Variants in ELP4 observed in about 807,000 individuals in gnomAD.
ELP4 encodes elongator acetyltransferase complex subunit 4, also known as elongator complex protein 4.
In ELP4, 51 loss-of-function variants were observed where a neutral mutation model predicts 48.9. That is an observed-to-expected ratio of 1.04 (90% confidence interval 0.83 to 1.32). The LOEUF (loss-of-function observed/expected upper bound fraction) is 1.32. ELP4 is among the 40% of genes most tolerant of loss of function. ELP4 has a pLI of 0.00. For synonymous variants in ELP4, 210 were observed against 189.2 expected, an observed-to-expected ratio of 1.11 and a Z score of -0.90; for missense variants, 519 against 514.6, an observed-to-expected ratio of 1.01 and a Z score of -0.08.
In ELP4 at chr11:31,647,787, T is replaced by C; in HGVS notation, c.974T>C (p.Val325Ala). ...GTCACAACCTTGTCAGATGTAGTAG[T>C]TGGTCTGGAATCATTTATTGGTTCT... ...ARVTTLSDVV[V>A]GLESFIGSER... is the part of the protein sequence containing the mutation. Residue 325 changes from valine (V) to alanine (A), a missense_variant, in exon 8 of 10, where the codon GTT (valine) becomes GCT (alanine). By Grantham distance (64) the Val-to-Ala change is moderately conservative. Transcript: ENST00000640961. The C allele has an allele frequency of 6.2e-7, 1 of 1,609,926 alleles. No homozygotes were observed. The highest frequency in any genetic ancestry group is 8.5e-7 in the Non-Finnish European group (1 of 1,177,100).
At chr11:31,715,919 A>G (rs1946833363) in intron 9 of ELP4, among the ~76,000 whole-genome samples, 1 of 152,208 alleles carries the variant, frequency 6.6e-6, no homozygotes, top group African/African-American at 2.4e-5. Flanking sequence ...ATGATTACAC[A>G]GTTAAGGGAT....
intron 5 of ELP4, among the ~76,000 whole-genome samples, chr11:31,625,459 A>C (rs970072129): frequency 2.0e-5 from 3 of 151,868 alleles, no homozygotes; most frequent in African/African-American, 7.2e-5. Context: ...ACACACACAC[A>C]ATGAACTTTT....
chr11:31,738,090 CA>C lies in ELP4; in HGVS notation c.1144-45302del, dbSNP rs1947359257. ...TATATATGTATAATGAAATATTATC[CA>C]GCCTTAATAAAGAAGGAAATCCAGC... On this transcript the variant is annotated intron_variant, in intron 9 of 9. Coordinates refer to ENST00000640961, the MANE Select transcript of ELP4 (RefSeq NM_019040.5). Among the ~76,000 whole-genome samples the C allele has an allele frequency of 5.3e-5, 8 of 151,914 alleles. No homozygotes were observed. In the South Asian group the frequency reaches 1.7e-3, roughly 32 times the overall value.
chr11:31,775,594 G>A (rs947915621), intron 9 of ELP4, among the ~76,000 whole-genome samples: 4 of 152,140 alleles, frequency 2.6e-5, no homozygotes, highest in African/African-American at 9.7e-5. Flanking sequence ...CAGCACTTTC[G>A]GAGGCCAAGG....
In ELP4 at chr11:31,784,514, G is replaced by A. The variant is rs1948457754; in HGVS notation, c.*990G>A. On this transcript the variant is annotated 3_prime_UTR_variant, in exon 10 of 10. Transcript: ENST00000640961. ...GACAGATAATGGATAAAAAATGAAA[G>A]TTGAAAAGTAACTTGCATATTTAAG... The A allele has an allele frequency of 6.6e-6, 1 of 152,004 alleles. No individual in the cohort carries two copies. The highest frequency in any genetic ancestry group is 6.5e-5 in the Admixed American group (1 of 15,274). The allele number at this position is 152,004 out of a possible 1,614,324, so 9.4% of individuals were successfully genotyped here. A position where few individuals can be genotyped will look rare whatever the true frequency, so the allele number is the denominator to read the frequency against.
At chr11:31,758,476 T>G (rs950071120) in intron 9 of ELP4, among the ~76,000 whole-genome samples, 8 of 152,204 alleles carry the variant, frequency 5.3e-5, no homozygotes, top group African/African-American at 7.2e-5. Flanking sequence ...TGCCCTGTGT[T>G]TCAACTGGAC....
intron 9 of ELP4, among the ~76,000 whole-genome samples, chr11:31,703,241 G>C (rs1469194478): frequency 9.2e-5 from 14 of 152,122 alleles, no homozygotes; most frequent in African/African-American, 3.4e-4. Flanking sequence ...TAAGCAAGGG[G>C]AACAGTGAAA....
At chr11:31,650,242 T>C in intron 9 of ELP4, 21 bp downstream of exon 9, 1 of 787,404 alleles carries the variant, frequency 1.3e-6, no homozygotes, top group East Asian at 2.6e-5. Context: ...TTTTATGTTT[T>C]AGTTTACAAT....
chr11:31,785,273 A>ACT lies in ELP4; in HGVS notation c.*1752_*1753dup. On this transcript the variant is annotated 3_prime_UTR_variant, in exon 10 of 10. Transcript: ENST00000640961. Reference sequence around the variant, plus strand: ...TTTTAGTCAGTTTATTATTTTAATAACTCTAACCTTTTTCTTACCGTGTTG... The same window carrying ACT: ...TTTTAGTCAGTTTATTATTTTAATAACTCTCTAACCTTTTTCTTACCGTGTTG... The ACT allele has an allele frequency of 5.5e-6, 1 of 183,070 alleles. No individual in the cohort carries two copies. The highest frequency in any genetic ancestry group is 1.2e-5 in the Non-Finnish European group (1 of 85,982). The allele number at this position is 183,070 out of a possible 1,614,324, so 11.3% of individuals were successfully genotyped here.
At chr11:31,676,937 T>G (rs959512011) in intron 9 of ELP4, among the ~76,000 whole-genome samples, 47 of 152,306 alleles carry the variant, frequency 3.1e-4, no homozygotes, top group Non-Finnish European at 4.6e-4. Context: ...ACCATGTACC[T>G]CCTCACACAT....
At chr11:31,707,179 C>T (rs552182622) in intron 9 of ELP4, 7 of 391,032 alleles carry the variant, frequency 1.8e-5, no homozygotes, top group African/African-American at 6.2e-5. Flanking sequence ...AGTTGCTGCA[C>T]GAGTTTATAT....
intron 1 of ELP4, chr11:31,512,653 T>G (rs979842907): frequency 3.9e-5 from 6 of 152,198 alleles, no homozygotes; most frequent in African/African-American, 1.2e-4. Flanking sequence ...GGACACTGTA[T>G]GTAAATAACA....
chr11:31,565,181 A>G (rs1331538365), intron 3 of ELP4, among the ~76,000 whole-genome samples: 1 of 152,154 alleles, frequency 6.6e-6, no homozygotes, highest in Non-Finnish European at 1.5e-5. Flanking sequence ...TCTTCTTTTG[A>G]GAAGTGTCTG....
At chr11:31,518,692 C>T (rs1344018768) in intron 1 of ELP4, among the ~76,000 whole-genome samples, 2 of 151,286 alleles carry the variant, frequency 1.3e-5, no homozygotes, top group African/African-American at 4.9e-5. Flanking sequence ...GTCAGGAGTT[C>T]GAGACCAGCC....
chr11:31,751,539 G>T (rs1434796144), intron 9 of ELP4, among the ~76,000 whole-genome samples: 1 of 151,844 alleles, frequency 6.6e-6, no homozygotes, highest in African/African-American at 2.4e-5. Flanking sequence ...GGAAGATGAG[G>T]AAAAAAACAG....
intron 9 of ELP4, among the ~76,000 whole-genome samples, chr11:31,733,955 C>G (rs1301368652): frequency 6.6e-6 from 1 of 152,034 alleles, no homozygotes. Flanking sequence ...AAGATAGATG[C>G]AAAAATCTTC....
At chr11:31,545,616 T>C (rs1014417487) in intron 3 of ELP4, among the ~76,000 whole-genome samples, 12 of 151,960 alleles carry the variant, frequency 7.9e-5, no homozygotes, top group Admixed American at 2.0e-4. Flanking sequence ...AACATTCAGA[T>C]TCAGGAAATA....
intron 9 of ELP4, among the ~76,000 whole-genome samples, chr11:31,656,718 T>C (rs1018825317): frequency 3.3e-5 from 5 of 152,040 alleles, no homozygotes; most frequent in African/African-American, 1.2e-4. Context: ...GTTATCTCAA[T>C]TTTTAGACCA....
chr11:31,572,406 CAG>C (rs1485451012), intron 3 of ELP4, among the ~76,000 whole-genome samples: 7 of 152,164 alleles, frequency 4.6e-5, no homozygotes, highest in Non-Finnish European at 8.8e-5. Context: ...TGCCAGTAAA[CAG>C]AGCCTCTAGA....
Sources: gnomAD v4.1 joint callset for allele counts (sites outside exome capture counted in the v4.1 genomes callset) on GRCh38, gnomAD v4.1.1 for gene constraint, MANE v1.5 for transcripts, NCBI Gene and HGNC (gene_info 2026-07-23, HGNC 2026-07-21) for gene names.